DNAI4: variants seen among roughly 807,000 people sequenced by gnomAD.
The protein encoded by DNAI4 is dynein axonemal intermediate chain 4.
A neutral mutation model predicts 105.8 loss-of-function variants in DNAI4; 85 were observed. The ratio of observed to expected loss-of-function variants is 0.80; its 90% confidence interval spans 0.67 to 0.96. The LOEUF is 0.96. Among genes scored for constraint, DNAI4 ranks in the 40% least tolerant of loss-of-function variants. The pLI, the probability that DNAI4 is intolerant of heterozygous loss-of-function variation, is 0.00. For missense variants in DNAI4, 1,014 were observed against 1,005.6 expected (o/e 1.01, Z -0.11); for synonymous variants, 352 against 331.5 (o/e 1.06, Z -0.67).
chr1:66,814,582 A>C (rs1218130421), intron 16 of DNAI4, among the ~76,000 whole-genome samples: 4 of 152,116 alleles, frequency 2.6e-5, no homozygotes, highest in African/African-American at 9.7e-5. Flanking sequence ...GTTAGCTAGG[A>C]TGGTCTCGAT....
intron 4 of DNAI4, 59 bp from the exon 5 acceptor site, chr1:66,874,996 T>C (rs934803602): frequency 8.1e-5 from 119 of 1,465,506 alleles, no homozygotes; most frequent in Non-Finnish European, 1.1e-4. Flanking sequence ...TTTGCATTTT[T>C]CCTTCTAGTC....
At chr1:66,814,213 A>C in intron 16 of DNAI4, 33 bp from the exon 17 acceptor site, 1 of 1,537,104 alleles carries the variant, frequency 6.5e-7, no homozygotes, top group Non-Finnish European at 8.8e-7. Flanking sequence ...TTACAATGCA[A>C]TAAAATGCAA....
chr1:66,885,719 C>T (rs528999945), intron 4 of DNAI4, among the ~76,000 whole-genome samples: 1 of 152,148 alleles, frequency 6.6e-6, no homozygotes, highest in Admixed American at 6.6e-5. Context: ...AAAAAGAAAA[C>T]AATAAAAAAT....
At chr1:66,919,056 C>T (rs1557989834) in intron 1 of DNAI4, 2 of 430,706 alleles carry the variant, frequency 4.6e-6, no homozygotes, top group Non-Finnish European at 9.4e-6. Flanking sequence ...CAAGTTGTCC[C>T]TGCCTTTCTG....
intron 16 of DNAI4, among the ~76,000 whole-genome samples, chr1:66,817,329 T>TTGG (rs1645537885): frequency 6.6e-6 from 1 of 152,206 alleles, no homozygotes; most frequent in Non-Finnish European, 1.5e-5. Context: ...TCCCAGCACT[T>TTGG]GAGGACGCTT....
intron 4 of DNAI4, among the ~76,000 whole-genome samples, chr1:66,884,517 C>T (rs1343723147): frequency 6.6e-6 from 1 of 152,122 alleles, no homozygotes; most frequent in Non-Finnish European, 1.5e-5. Context: ...TGTGATGTAT[C>T]ATATTTATTA....
At chr1:66,820,204 C>A (rs1645596576) in intron 16 of DNAI4, among the ~76,000 whole-genome samples, 1 of 151,798 alleles carries the variant, frequency 6.6e-6, no homozygotes, top group Non-Finnish European at 1.5e-5. Flanking sequence ...TTACATTCCT[C>A]AGAGTAGACT....
chr1:66,813,843 G>T lies in DNAI4; in HGVS notation c.*287C>A. ...TAATTTTCTAACCCATTTAGACATT[G>T]TATAAGAATGTACATGTACTCATAT... On this transcript the variant is annotated 3_prime_UTR_variant, in exon 17 of 17. Coordinates refer to ENST00000371026, the MANE Select transcript of DNAI4 (RefSeq NM_024763.5). The T allele has an allele frequency of 4.1e-6, 1 of 241,362 alleles. No homozygotes were observed. The highest frequency in any genetic ancestry group is 7.9e-6 in the Non-Finnish European group (1 of 126,898). 15.0% of individuals were successfully genotyped at this position (241,362 alleles called of 1,614,324 possible). A position where few individuals can be genotyped will look rare whatever the true frequency, so the allele number is the denominator to read the frequency against.
At chr1:66,821,954 C>A (rs938253782) in intron 16 of DNAI4, among the ~76,000 whole-genome samples, 1 of 152,012 alleles carries the variant, frequency 6.6e-6, no homozygotes, top group Admixed American at 6.5e-5. Flanking sequence ...GCTAATCCAA[C>A]AGAAATAAAT....
chr1:66,863,329 G>A (rs1646666448), intron 6 of DNAI4, among the ~76,000 whole-genome samples: 1 of 152,184 alleles, frequency 6.6e-6, no homozygotes, highest in Non-Finnish European at 1.5e-5. Flanking sequence ...AAAACAGAAT[G>A]TGGATCTAAT....
At chr1:66,833,449 T>G in intron 13 of DNAI4, 136 bp downstream of exon 13, 2 of 1,022,424 alleles carry the variant, frequency 2.0e-6, no homozygotes, top group Non-Finnish European at 2.7e-6. Context: ...GGCAATCATT[T>G]ATCTACTTTC....
At chr1:66,867,099 G>A (rs1451960693) in intron 6 of DNAI4, among the ~76,000 whole-genome samples, 1 of 152,182 alleles carries the variant, frequency 6.6e-6, no homozygotes, top group Non-Finnish European at 1.5e-5. Flanking sequence ...CTCACAACAT[G>A]TAGGAATTAT....
chr1:66,830,786 A>T lies in DNAI4; in HGVS notation c.2013+2799T>A, dbSNP rs535560871. The stretch of plus-strand genomic sequence containing the variant: ...ATAGGGTGAGACCCTGTCTCAAAAA[A>T]AAATAAATAAATAAATAAAATAAAA... On this transcript the variant is annotated intron_variant, in intron 13 of 16. Transcript: ENST00000371026. Among the ~76,000 whole-genome samples the T allele has an allele frequency of 1.9e-3, 294 of 150,874 alleles. 1 individual carries two copies. Among genetic ancestry groups the T allele is most frequent in the South Asian group, 0.016 (75 of 4,798 alleles).
Position 66,893,053 on chromosome 1 carries a change from A to AAGAAAG in DNAI4, c.530+175_530+176insCTTTCT, listed in dbSNP as rs1167732856. On this transcript the variant is annotated intron_variant, in intron 3 of 16. Transcript: ENST00000371026. ...AAGAGAGGAAAGAAAGAAAGAAAGA[A>AAGAAAG]AGAGAGAGAGAGAAAGAAAGAAAGA... Among the ~76,000 whole-genome samples, 17 of 66,600 alleles carry AAGAAAG rather than the reference A, an allele frequency of 2.6e-4. 2 individuals are homozygous for AAGAAAG. Among genetic ancestry groups the AAGAAAG allele is most frequent in the African/African-American group, 1.0e-3 (17 of 16,686 alleles). The allele number at this position is 66,600 out of a possible 152,430, so 43.7% of individuals were successfully genotyped here. A position where few individuals can be genotyped will look rare whatever the true frequency, so the allele number is the denominator to read the frequency against.
intron 8 of DNAI4, among the ~76,000 whole-genome samples, chr1:66,841,327 G>A (rs982479665): frequency 2.6e-5 from 4 of 152,128 alleles, no homozygotes; most frequent in African/African-American, 4.8e-5. Flanking sequence ...AAAGTAAATG[G>A]CTTCTGGTTG....
At chr1:66,899,406 T>C (rs1925409) in intron 2 of DNAI4, among the ~76,000 whole-genome samples, 83,269 of 152,082 alleles carry the variant, frequency 0.55, 26,188 homozygotes, top group East Asian at 0.84. Context: ...TCTTGAGAAA[T>C]GAGCATTCAG....
intron 7 of DNAI4, among the ~76,000 whole-genome samples, chr1:66,854,517 A>G (rs1308886370): frequency 6.6e-6 from 1 of 152,240 alleles, no homozygotes; most frequent in Non-Finnish European, 1.5e-5. Context: ...GTTGAAGAAG[A>G]TCTTGGCCGG....
chr1:66,844,135 A>T (rs79629064), intron 8 of DNAI4, among the ~76,000 whole-genome samples: 4 of 149,908 alleles, frequency 2.7e-5, no homozygotes, highest in Non-Finnish European at 4.4e-5. Context: ...GTCCATTCAT[A>T]AAAAAAATTA....
intron 8 of DNAI4, among the ~76,000 whole-genome samples, chr1:66,841,489 T>A (rs1021821641): frequency 2.6e-5 from 4 of 152,210 alleles, no homozygotes; most frequent in Non-Finnish European, 5.9e-5. Flanking sequence ...TTTATAATAA[T>A]AATCCACTGT....
Sources: gnomAD v4.1 joint callset for allele counts (sites outside exome capture counted in the v4.1 genomes callset) on GRCh38, gnomAD v4.1.1 for gene constraint, MANE v1.5 for transcripts, NCBI Gene and HGNC (gene_info 2026-07-23, HGNC 2026-07-21) for gene names.